ZNF729: variants seen among roughly 807,000 people sequenced by gnomAD.
ZNF729 encodes the protein zinc finger protein 729.
ZNF729 carries 15 observed loss-of-function variants against 12.2 expected under a neutral mutation model. The observed-to-expected ratio is 1.23, with a 90% CI of 0.82 to 1.89. The LOEUF is 1.89. ZNF729 is among the 40% of genes most tolerant of loss of function. The pLI, the probability that ZNF729 is intolerant of heterozygous loss-of-function variation, is 0.00. For synonymous variants in ZNF729, 492 were observed against 476.3 expected (o/e 1.03, Z -0.43); for missense variants, 1,540 against 1,456.7 (o/e 1.06, Z -0.93).
chr19:22,313,059 A>G (rs1364929436), intron 3 of ZNF729, among the ~76,000 whole-genome samples: 1 of 141,898 alleles, frequency 7.0e-6, no homozygotes, highest in Non-Finnish European at 1.5e-5. Context: ...GGAGTTGGCA[A>G]TTTCCTTTTT....
chr19:22,288,421 A>G (rs1968109799), intron 1 of ZNF729, among the ~76,000 whole-genome samples: 1 of 150,048 alleles, frequency 6.7e-6, no homozygotes, highest in East Asian at 2.0e-4. Flanking sequence ...GCCATTCTTC[A>G]GATTTTTTTC....
At chr19:22,312,326 C>T (rs1300465661) in intron 3 of ZNF729, among the ~76,000 whole-genome samples, 1 of 151,936 alleles carries the variant, frequency 6.6e-6, no homozygotes, top group African/African-American at 2.4e-5. Context: ...AAAAAAGCTA[C>T]CTGTTGGAAT....
chr19:22,290,454 C>T (rs1343057926), intron 1 of ZNF729, among the ~76,000 whole-genome samples: 1 of 152,116 alleles, frequency 6.6e-6, no homozygotes, highest in Non-Finnish European at 1.5e-5. Context: ...CTGAGATCTT[C>T]AAGGATTGCA....
chr19:22,293,511 T>TTTTTTTTTTA (rs1568571046), intron 1 of ZNF729, among the ~76,000 whole-genome samples: 6 of 145,128 alleles, frequency 4.1e-5, no homozygotes, highest in African/African-American at 8.0e-5. Flanking sequence ...TTTTTTTTTT[T>TTTTTTTTTTA]GAGACAGTTT....
intron 1 of ZNF729, among the ~76,000 whole-genome samples, chr19:22,295,772 G>C (rs1403776143): frequency 6.6e-6 from 1 of 152,138 alleles, no homozygotes; most frequent in African/African-American, 2.4e-5. Context: ...GCTTGTCATA[G>C]ATAACTCATT....
intron 3 of ZNF729, among the ~76,000 whole-genome samples, chr19:22,305,811 T>G (rs1351077513): frequency 6.6e-6 from 1 of 152,134 alleles, no homozygotes; most frequent in African/African-American, 2.4e-5. Context: ...ATTAATTAAT[T>G]AATTAATGAA....
chr19:22,315,852 C>G lies in ZNF729; in HGVS notation c.2435C>G (p.Thr812Ser). The G allele has an allele frequency of 6.2e-7, 1 of 1,610,336 alleles. No individual in the cohort carries two copies. Among genetic ancestry groups the G allele is most frequent in the Non-Finnish European group, 8.5e-7 (1 of 1,179,526 alleles). Residue 812 changes from threonine to serine, a missense_variant, in exon 4 of 4, where the codon ACT becomes AGT. Coordinates refer to ENST00000601693, the MANE Select transcript of ZNF729 (RefSeq NM_001242680.2). The stretch of plus-strand genomic sequence containing the variant: ...GCTTTTAAGTGGTCCTCAAAGCTTA[C>G]TGTACATAAGGTAATTCATACTGGA... ...GKAFKWSSKL[T>S]VHKVIHTGEK... is the part of the protein sequence containing the mutation.
intron 2 of ZNF729, 87 bp from the exon 3 acceptor site, chr19:22,304,601 C>A: frequency 8.7e-7 from 1 of 1,145,730 alleles, no homozygotes; most frequent in Non-Finnish European, 1.2e-6. Flanking sequence ...GATCAATTTA[C>A]TAGAATATTC....
intron 1 of ZNF729, 79 bp downstream of exon 1, chr19:22,286,634 C>A: frequency 1.9e-6 from 3 of 1,564,392 alleles, no homozygotes; most frequent in East Asian, 2.2e-5. Flanking sequence ...GGCGGGACTC[C>A]GGCCTCCCCG....
At chr19:22,289,667 T>C (rs1018254265) in intron 1 of ZNF729, among the ~76,000 whole-genome samples, 4 of 152,222 alleles carry the variant, frequency 2.6e-5, no homozygotes, top group African/African-American at 9.6e-5. Context: ...CTCTCTTCCA[T>C]TTTGGCTTCA....
At chr19:22,287,917 C>T (rs931766425) in intron 1 of ZNF729, among the ~76,000 whole-genome samples, 2 of 149,352 alleles carry the variant, frequency 1.3e-5, no homozygotes, top group African/African-American at 2.5e-5. Flanking sequence ...CTGATCTTGG[C>T]TCACCACAAC....
Position 22,315,648 on chromosome 19 carries a change from A to G in ZNF729, c.2231A>G (p.Glu744Gly), listed in dbSNP as rs1968522940. ...HTAEKPCKCE[E>G]CGKSFKHFSA... is the part of the protein sequence containing the mutation. Reference sequence around the variant, plus strand: ...GCAGAGAAACCCTGCAAATGTGAAGAATGTGGCAAATCTTTTAAGCATTTC... The same window carrying G: ...GCAGAGAAACCCTGCAAATGTGAAGGATGTGGCAAATCTTTTAAGCATTTC... Residue 744 changes from glutamate to glycine, a missense_variant, in exon 4 of 4, where the codon GAA becomes GGA. Transcript: ENST00000601693. The G allele has an allele frequency of 1.2e-6, 2 of 1,608,794 alleles. No individual in the cohort carries two copies. Among genetic ancestry groups the G allele is most frequent in the African/African-American group, 1.3e-5 (1 of 74,902 alleles).
rs1480805880 is a variant in ZNF729, at chr19:22,317,102, C to A, written c.3685C>A (p.His1229Asn). The A allele has an allele frequency of 9.4e-6, 15 of 1,600,216 alleles. No homozygotes were observed. The highest frequency in any genetic ancestry group is 6.7e-5 in the South Asian group (6 of 90,148). ...KKVPKLLSNP[H>N]TLLDKTIHTG... The stretch of plus-strand genomic sequence containing the variant: ...AGTACCAAAGCTTTTAAGCAATCCT[C>A]ACACCTTACTAGACAAAACAATTCA... Residue 1229 changes from histidine (H) to asparagine (N), a missense_variant, in exon 4 of 4, where the codon CAC becomes AAC. Transcript: ENST00000601693.
At chr19:22,307,800 GTTTT>G in intron 3 of ZNF729, among the ~76,000 whole-genome samples, 2,936 of 53,486 alleles carry the variant, frequency 0.055, 197 homozygotes, top group African/African-American at 0.17. Flanking sequence ...AAAGCTCTGT[GTTTT>G]TTTTTTTTTT....
Position 22,315,714 on chromosome 19 carries a change from A to T in ZNF729, c.2297A>T (p.Lys766Ile). The change falls in exon 4 of 4, where the codon AAA (lysine) becomes ATA (isoleucine). Residue 766 changes from lysine to isoleucine, a missense_variant. Transcript: ENST00000601693. ...CATAAGGTAATTCATACTAGGGAGA[A>T]ATTGTACAAATGTGAAGAATGTGTC... ...RKHKVIHTRE[K>I]LYKCEECVKA... 2 of 1,605,566 alleles carry T rather than the reference A, an allele frequency of 1.2e-6. No homozygotes were observed. Among genetic ancestry groups the T allele is most frequent in the Non-Finnish European group, 1.7e-6 (2 of 1,177,662 alleles).
rs1358604487 is a variant in ZNF729 at position 22,314,088 on chromosome 19, C to T, written c.671C>T (p.Thr224Ile). ...GCCTTTAAATCGTTCTCAACCCTTACTAAACATAAGATAATTCATACTGAA... is the reference window on the plus strand; with the variant it reads ...GCCTTTAAATCGTTCTCAACCCTTATTAAACATAAGATAATTCATACTGAA... ...GKAFKSFSTL[T>I]KHKIIHTEDK... Residue 224 changes from threonine (T) to isoleucine (I), a missense_variant, in exon 4 of 4, where the codon ACT becomes ATT. Physicochemically the swap from Thr to Ile is moderately conservative, Grantham distance 89. Coordinates refer to ENST00000601693, the MANE Select transcript of ZNF729 (RefSeq NM_001242680.2). The T allele has an allele frequency of 6.5e-7, 1 of 1,545,936 alleles. No individual in the cohort carries two copies. Among genetic ancestry groups the T allele is most frequent in the Admixed American group, 2.0e-5 (1 of 50,308 alleles).
chr19:22,288,077 C>T (rs896622933), intron 1 of ZNF729, among the ~76,000 whole-genome samples: 1 of 152,130 alleles, frequency 6.6e-6, no homozygotes, highest in Non-Finnish European at 1.5e-5. Context: ...AACTCCTGAC[C>T]TTGTGATCTG....
At chr19:22,295,038 TTGTGTG>T (rs71180536) in intron 1 of ZNF729, among the ~76,000 whole-genome samples, 1,945 of 144,112 alleles carry the variant, frequency 0.013, 46 homozygotes, top group African/African-American at 0.04. Flanking sequence ...TCCTAGATAT[TTGTGTG>T]TGTGTGTGTG....
chr19:22,295,223 G>T (rs2145043731), intron 1 of ZNF729, among the ~76,000 whole-genome samples: 1 of 151,440 alleles, frequency 6.6e-6, no homozygotes, highest in Middle Eastern at 3.4e-3. Context: ...TGCAGAGACT[G>T]TAGGGTTTTC....
Sources: allele counts gnomAD v4.1 joint callset (sites outside exome capture counted in the v4.1 genomes callset), GRCh38; gene constraint gnomAD v4.1.1; transcripts MANE v1.5; gene names NCBI Gene and HGNC (gene_info 2026-07-23, HGNC 2026-07-21).